Variants in F2RL1 observed in about 807,000 individuals in gnomAD.
F2RL1 encodes the protein proteinase-activated receptor 2.
In F2RL1, 16 loss-of-function variants were observed where a neutral mutation model predicts 21.7. That is an observed-to-expected ratio of 0.74 (90% CI 0.50 to 1.12). The LOEUF (loss-of-function observed/expected upper bound fraction) is 1.12. F2RL1 is among the 50% of genes most tolerant of loss of function. The pLI is 0.00. For missense variants in F2RL1, 432 were observed against 477.8 expected (o/e 0.90, Z 0.89); for synonymous variants, 181 against 186.7 (o/e 0.97, Z 0.25).
intron 1 of F2RL1, among the ~76,000 whole-genome samples, chr5:76,827,854 C>T (rs1052672966): frequency 6.6e-6 from 1 of 152,114 alleles, no homozygotes; most frequent in Non-Finnish European, 1.5e-5. Context: ...GCCTCAGCCT[C>T]CCAAATTGCT....
rs2243061 is a variant in F2RL1 at position 76,832,686 on chromosome 5, A to G, written c.83-4A>G. 7.8e-4 allele frequency: 1,243 copies of G among 1,591,248 alleles called. 11 individuals are homozygous for G. In the African/African-American group the frequency reaches 0.015, roughly 19 times the overall value. On this transcript the variant is annotated splice_polypyrimidine_tract_variant and splice_region_variant and intron_variant, in intron 1 of 1. Coordinates refer to ENST00000296677, the MANE Select transcript of F2RL1 (RefSeq NM_005242.6). ...AATGACCCTTGTCTTCCTTTCTTGT[A>G]CAGGAACCAGTAGATCCTCTAAAGG...
intron 1 of F2RL1, among the ~76,000 whole-genome samples, chr5:76,832,092 ATT>A (rs773062351): frequency 1.4e-4 from 21 of 152,176 alleles, no homozygotes; most frequent in Non-Finnish European, 2.8e-4. Flanking sequence ...AAATTGAAAT[ATT>A]GTTAGTCTTC....
intron 1 of F2RL1, among the ~76,000 whole-genome samples, chr5:76,823,334 G>C (rs554201663): frequency 1.2e-3 from 175 of 149,972 alleles, no homozygotes; most frequent in African/African-American, 4.2e-3. Context: ...TCCAATCTCA[G>C]CACAACTTCT....
At chr5:76,821,017 G>T (rs1377948568) in intron 1 of F2RL1, among the ~76,000 whole-genome samples, 1 of 152,080 alleles carries the variant, frequency 6.6e-6, no homozygotes, top group Non-Finnish European at 1.5e-5. Context: ...CTCAGGGTGG[G>T]TCTTTGCTCA....
intron 1 of F2RL1, among the ~76,000 whole-genome samples, chr5:76,826,168 C>A (rs1287527201): frequency 1.3e-5 from 2 of 151,948 alleles, no homozygotes; most frequent in Non-Finnish European, 2.9e-5. Flanking sequence ...GATGCCAAGC[C>A]TGTGTTTTTT....
Position 76,835,303 on chromosome 5 carries a change from T to G in F2RL1, c.*1502T>G, listed in dbSNP as rs1201501093. Reference sequence around the variant, plus strand: ...AATTGATTTATAAATAACAAAATTTTTTTTACAACTTATTTCTGAGTTGTG... The same window carrying G: ...AATTGATTTATAAATAACAAAATTTGTTTTACAACTTATTTCTGAGTTGTG... On this transcript the variant is annotated 3_prime_UTR_variant, in exon 2 of 2. Coordinates refer to ENST00000296677, the MANE Select transcript of F2RL1 (RefSeq NM_005242.6). 2 of 152,352 alleles carry G rather than the reference T, an allele frequency of 1.3e-5. No homozygotes were observed. Among genetic ancestry groups the G allele is most frequent in the African/African-American group, 2.4e-5 (1 of 41,448 alleles). 9.4% of individuals were successfully genotyped at this position (152,352 alleles called of 1,614,324 possible). A position where few individuals can be genotyped will look rare whatever the true frequency, so the allele number is the denominator to read the frequency against.
At position 76,833,949 on chromosome 5, in the gene F2RL1, G is replaced by C. The variant is rs930211294; in HGVS notation, c.*148G>C. The stretch of plus-strand genomic sequence containing the variant: ...TCTCAGGATTGCTAGGAGCTCCCCT[G>C]TTTGCATGAGAAAAGTAGTCCCCCA... On this transcript the variant is annotated 3_prime_UTR_variant, in exon 2 of 2. Coordinates refer to ENST00000296677, the MANE Select transcript of F2RL1 (RefSeq NM_005242.6). 1 of 762,644 alleles carries C rather than the reference G, an allele frequency of 1.3e-6. No individual in the cohort carries two copies. Among genetic ancestry groups the C allele is most frequent in the African/African-American group, 1.7e-5 (1 of 57,684 alleles). The allele number at this position is 762,644 out of a possible 1,614,324, so 47.2% of individuals were successfully genotyped here.
chr5:76,820,897 G>A (rs1468247824), intron 1 of F2RL1, among the ~76,000 whole-genome samples: 2 of 152,162 alleles, frequency 1.3e-5, no homozygotes, highest in Non-Finnish European at 2.9e-5. Context: ...CTTTCCCAAA[G>A]GGTTAGTGAA....
chr5:76,823,423 G>GGCTGGAGT (rs1750180240), intron 1 of F2RL1, among the ~76,000 whole-genome samples: 1 of 145,766 alleles, frequency 6.9e-6, no homozygotes, highest in Non-Finnish European at 1.5e-5. Context: ...CAGGCTGGAG[G>GGCTGGAGT]GCTGGAGTGC....
intron 1 of F2RL1, among the ~76,000 whole-genome samples, chr5:76,825,341 C>T (rs975889918): frequency 6.6e-6 from 1 of 152,014 alleles, no homozygotes; most frequent in African/African-American, 2.4e-5. Context: ...TTGTGGCTGT[C>T]TTTCCATTTC....
chr5:76,821,292 C>G (rs2243004), intron 1 of F2RL1, among the ~76,000 whole-genome samples: 23,230 of 152,188 alleles, frequency 0.15, 2,357 homozygotes, highest in South Asian at 0.31. Context: ...TGTGTCCTCA[C>G]TGCATCGTTA....
In F2RL1 at chr5:76,833,962, AAGT is replaced by A. The variant is rs1185286469; in HGVS notation, c.*165_*167del. 2 of 671,304 alleles carry A rather than the reference AAGT, an allele frequency of 3.0e-6. No homozygotes were observed. The highest frequency in any genetic ancestry group is 3.6e-5 in the African/African-American group (2 of 55,600). The allele number at this position is 671,304 out of a possible 1,614,324, so 41.6% of individuals were successfully genotyped here. A position where few individuals can be genotyped will look rare whatever the true frequency, so the allele number is the denominator to read the frequency against. ...AGGAGCTCCCCTGTTTGCATGAGAA[AAGT>A]AGTCCCCCAAATTAACATCAGTGTC... is the stretch of plus-strand genomic sequence containing the variant. On this transcript the variant is annotated 3_prime_UTR_variant, in exon 2 of 2. Transcript: ENST00000296677.
intron 1 of F2RL1, among the ~76,000 whole-genome samples, chr5:76,820,064 C>T (rs534964696): frequency 5.3e-4 from 80 of 152,340 alleles, no homozygotes; most frequent in African/African-American, 1.5e-3. Flanking sequence ...TAGTGTGCCA[C>T]CCGGAGCGGC....
chr5:76,826,955 G>A (rs1750251320), intron 1 of F2RL1, among the ~76,000 whole-genome samples: 1 of 150,734 alleles, frequency 6.6e-6, no homozygotes, highest in Non-Finnish European at 1.5e-5. Context: ...GGTTCAAGCT[G>A]TCCTCCTGCC....
rs746271767 is a variant in F2RL1, at chr5:76,832,828, C to A, written c.221C>A (p.Thr74Asn). ...FSASVLTGKL[T>N]TVFLPIVYTI... ...GCATCTGTCCTCACTGGAAAACTGA[C>A]CACTGTCTTCCTTCCAATTGTCTAC... The change falls in exon 2 of 2, where the codon ACC (threonine) becomes AAC (asparagine). Residue 74 changes from threonine to asparagine, a missense_variant. Transcript: ENST00000296677. 4 of 1,614,078 alleles carry A rather than the reference C, an allele frequency of 2.5e-6. No homozygotes were observed.
intron 1 of F2RL1, among the ~76,000 whole-genome samples, chr5:76,830,404 A>G (rs1175096752): frequency 6.6e-6 from 1 of 152,124 alleles, no homozygotes; most frequent in East Asian, 1.9e-4. Flanking sequence ...CAGCCTCCCA[A>G]GTAGCTAGAA....
chr5:76,831,569 T>C (rs1389399052), intron 1 of F2RL1, among the ~76,000 whole-genome samples: 2 of 146,610 alleles, frequency 1.4e-5, no homozygotes, highest in Non-Finnish European at 3.0e-5. Context: ...AGGCTCGCTC[T>C]GTCACCCAGG....
In F2RL1 at chr5:76,833,302, A is replaced by C. The variant is rs1395544288; in HGVS notation, c.695A>C (p.Glu232Ala). Residue 232 changes from glutamate to alanine, a missense_variant, in exon 2 of 2, where the codon GAG becomes GCG. Physicochemically the swap from Glu to Ala is moderately radical, Grantham distance 107 (BLOSUM62 -1). Coordinates refer to ENST00000296677, the MANE Select transcript of F2RL1 (RefSeq NM_005242.6). The stretch of plus-strand genomic sequence containing the variant: ...ACGACCTGTCATGATGTTTTGCCTG[A>C]GCAGCTCTTGGTGGGAGACATGTTC... ...NITTCHDVLP[E>A]QLLVGDMFNY... 8 of 1,613,028 alleles carry C rather than the reference A, an allele frequency of 5.0e-6. No homozygotes were observed. In the Admixed American group the frequency reaches 8.3e-5, roughly 17 times the overall value.
chr5:76,828,382 T>G (rs551392018), intron 1 of F2RL1, among the ~76,000 whole-genome samples: 1 of 152,126 alleles, frequency 6.6e-6, no homozygotes, highest in Non-Finnish European at 1.5e-5. Context: ...ATTAATAAAG[T>G]ATGAGGGATT....
Sources: allele counts gnomAD v4.1 joint callset (sites outside exome capture counted in the v4.1 genomes callset), GRCh38; gene constraint gnomAD v4.1.1; transcripts MANE v1.5; gene names NCBI Gene and HGNC (gene_info 2026-07-23, HGNC 2026-07-21).